Variants in PCSK5 observed in about 807,000 individuals in gnomAD.
PCSK5 encodes the protein prohormone convertase 5.
PCSK5 carries 129 observed loss-of-function variants against 233.2 expected under a neutral mutation model. The ratio of observed to expected loss-of-function variants is 0.55; its 90% confidence interval spans 0.48 to 0.64. PCSK5 has a LOEUF of 0.64. PCSK5 is among the 30% of genes least tolerant of loss of function. PCSK5 has a pLI of 0.00. For missense variants in PCSK5, 2,076 were observed against 2,430.1 expected, an observed-to-expected ratio of 0.85 and a Z score of 3.06; for synonymous variants, 825 against 879.2, an observed-to-expected ratio of 0.94 and a Z score of 1.09.
chr9:75,937,748 T>G (rs1824122452), intron 2 of PCSK5, among the ~76,000 whole-genome samples: 1 of 152,238 alleles, frequency 6.6e-6, no homozygotes, highest in Non-Finnish European at 1.5e-5. Context: ...ATCTTCTGTA[T>G]CACTTGCTGC....
At chr9:76,064,576 G>A (rs1365923050) in intron 5 of PCSK5, among the ~76,000 whole-genome samples, 2 of 147,902 alleles carry the variant, frequency 1.4e-5, no homozygotes, top group Admixed American at 1.3e-4. Context: ...TTCCCAGATG[G>A]GGTGGCTGCC....
intron 36 of PCSK5, among the ~76,000 whole-genome samples, chr9:76,352,149 T>C (rs777872295): frequency 3.9e-5 from 6 of 152,198 alleles, no homozygotes; most frequent in Non-Finnish European, 7.4e-5. Flanking sequence ...CCCATCTTTA[T>C]GGTTATTTCT....
intron 24 of PCSK5, chr9:76,287,129 A>C (rs1828101876): frequency 6.2e-6 from 1 of 160,024 alleles, no homozygotes; most frequent in African/African-American, 2.4e-5. Context: ...CTACTATAGA[A>C]GCTTATCTGC....
intron 1 of PCSK5, among the ~76,000 whole-genome samples, chr9:75,928,323 T>C (rs1440991843): frequency 1.3e-5 from 2 of 152,096 alleles, no homozygotes; most frequent in Non-Finnish European, 2.9e-5. Context: ...TCCTCGCTGC[T>C]ATTGAATAAC....
chr9:76,293,127 C>T (rs1564161675), intron 25 of PCSK5, among the ~76,000 whole-genome samples: 1 of 151,556 alleles, frequency 6.6e-6, no homozygotes. Context: ...TGGCCTTTGG[C>T]GGGTCACCTC....
At chr9:76,067,854 A>C (rs886069772) in intron 5 of PCSK5, 101 bp from the exon 6 acceptor site, 87 of 900,748 alleles carry the variant, frequency 9.7e-5, no homozygotes, top group Non-Finnish European at 1.5e-4. Context: ...GAAACACCAC[A>C]GCTGGGTACA....
intron 7 of PCSK5, among the ~76,000 whole-genome samples, chr9:76,082,630 A>G (rs1392703638): frequency 6.6e-6 from 1 of 151,820 alleles, no homozygotes; most frequent in East Asian, 1.9e-4. Flanking sequence ...AGTTTACACA[A>G]TCTGGTAAGC....
Position 76,295,332 on chromosome 9 carries a change from A to T in PCSK5, c.3243A>T (p.Glu1081Asp). The stretch of plus-strand genomic sequence containing the variant: ...AGAAGACCTACAGTGAGGAAGTGGA[A>T]TGCAAGGCGTGTGATAGTAACTGTG... Reference protein sequence around the residue: ...CPEKTYSEEVECKACDSNCGS... With the variant: ...CPEKTYSEEVDCKACDSNCGS... Residue 1081 changes from glutamate (E) to aspartate (D), a missense_variant, in exon 26 of 38, where the codon GAA becomes GAT. By Grantham distance (45) the Glu-to-Asp change is conservative. Coordinates refer to ENST00000674117, the MANE Select transcript of PCSK5 (RefSeq NM_001372043.1). 6.2e-7 allele frequency: 1 copy of T among 1,611,854 alleles called. No individual in the cohort carries two copies. The highest frequency in any genetic ancestry group is 8.5e-7 in the Non-Finnish European group (1 of 1,179,032).
chr9:75,971,659 A>G lies in PCSK5; in HGVS notation c.298-14473A>G, dbSNP rs1343898888. ...TGTGAAATGGTATCCCATTGTGGTT[A>G]TAATTTGCATTTCTATAATGATCAG... On this transcript the variant is annotated intron_variant, in intron 2 of 37. Coordinates refer to ENST00000674117, the MANE Select transcript of PCSK5 (RefSeq NM_001372043.1). Among the ~76,000 whole-genome samples the G allele has an allele frequency of 2.0e-5, 3 of 152,142 alleles. No individual in the cohort carries two copies. In the South Asian group the frequency reaches 6.2e-4, roughly 31 times the overall value.
At chr9:76,194,587 TG>T (rs1416663279) in intron 20 of PCSK5, 2 of 319,288 alleles carry the variant, frequency 6.3e-6, no homozygotes, top group African/African-American at 4.5e-5. Flanking sequence ...AATGCTGAGA[TG>T]ATCTGTTTTT....
chr9:75,964,945 T>G (rs1250000249), intron 2 of PCSK5, among the ~76,000 whole-genome samples: 1 of 152,168 alleles, frequency 6.6e-6, no homozygotes, highest in Non-Finnish European at 1.5e-5. Flanking sequence ...AAGCCAAGCA[T>G]CAAGGATTAG....
At chr9:76,354,945 CAATATTATCCTGATTCTGTTG>C (rs1379697458) in intron 37 of PCSK5, among the ~76,000 whole-genome samples, 1 of 152,160 alleles carries the variant, frequency 6.6e-6, no homozygotes, top group Non-Finnish European at 1.5e-5. Flanking sequence ...AAGCTGATGT[CAATATTATCCTGATTCTGTTG>C]AAGAATCATT....
In PCSK5 at chr9:75,914,966, G is replaced by A. The variant is rs149005574; in HGVS notation, c.193-17413G>A. 7.9e-5 allele frequency among the ~76,000 whole-genome samples: 12 copies of A among 152,158 alleles called. No homozygotes were observed. The South Asian group carries it at 1.5e-3, about 18-fold the overall frequency. On this transcript the variant is annotated intron_variant, in intron 1 of 37. Transcript: ENST00000674117. ...TGATAAATATTCCACACTTTGATAC[G>A]GTAAAAGGTGTGAGGAATAGTTTAC...
chr9:76,249,280 G>A (rs1488544026), intron 24 of PCSK5, among the ~76,000 whole-genome samples: 3 of 152,076 alleles, frequency 2.0e-5, no homozygotes, highest in African/African-American at 7.2e-5. Context: ...AGTCCAAAAT[G>A]TCAATAATGC....
intron 5 of PCSK5, among the ~76,000 whole-genome samples, chr9:76,053,820 T>A (rs1431900807): frequency 6.6e-6 from 1 of 152,250 alleles, no homozygotes; most frequent in African/African-American, 2.4e-5. Flanking sequence ...AACCTCTGCC[T>A]GTTATACAGT....
chr9:76,079,791 G>GACAA (rs1243462581), intron 7 of PCSK5, among the ~76,000 whole-genome samples: 3 of 152,132 alleles, frequency 2.0e-5, no homozygotes, highest in Admixed American at 1.3e-4. Flanking sequence ...GTGCCTTGTT[G>GACAA]GCTGTGAGTT....
At chr9:76,141,099 C>T (rs1002029312) in intron 10 of PCSK5, among the ~76,000 whole-genome samples, 2 of 152,072 alleles carry the variant, frequency 1.3e-5, no homozygotes, top group African/African-American at 2.4e-5. Context: ...AGATATATGT[C>T]GTCAAGCTCT....
At chr9:76,089,109 G>C (rs978658888) in intron 7 of PCSK5, among the ~76,000 whole-genome samples, 1 of 152,098 alleles carries the variant, frequency 6.6e-6, no homozygotes, top group African/African-American at 2.4e-5. Context: ...AGTAGTAAGT[G>C]TCCTTGTCTC....
chr9:76,023,219 T>C (rs1828277555), intron 3 of PCSK5, among the ~76,000 whole-genome samples: 1 of 152,222 alleles, frequency 6.6e-6, no homozygotes, highest in South Asian at 2.1e-4. Context: ...AGACTTACGG[T>C]ATCAGAACAG....
Sources: gnomAD v4.1 joint callset for allele counts (sites outside exome capture counted in the v4.1 genomes callset) on GRCh38, gnomAD v4.1.1 for gene constraint, MANE v1.5 for transcripts, NCBI Gene and HGNC (gene_info 2026-07-23, HGNC 2026-07-21) for gene names.